ATXN7L1: variants seen among roughly 807,000 people sequenced by gnomAD.
ATXN7L1 encodes ataxin 7 like 1.
A neutral mutation model predicts 70.8 loss-of-function variants in ATXN7L1; 15 were observed. That is an observed-to-expected ratio of 0.21 (90% confidence interval 0.14 to 0.33). The LOEUF is 0.33. Among genes scored for constraint, ATXN7L1 ranks in the 10% least tolerant of loss-of-function variants. The pLI, the probability that ATXN7L1 is intolerant of heterozygous loss-of-function variation, is 1.00. For synonymous variants in ATXN7L1, 440 were observed against 445.1 expected (o/e 0.99, Z 0.14); for missense variants, 975 against 1,097.1 (o/e 0.89, Z 1.57).
Position 105,657,769 on chromosome 7 carries a change from C to T in ATXN7L1, c.578+7297G>A, listed in dbSNP as rs148260650. Reference sequence around the variant, plus strand: ...AGTGGCTACTGTGGCTGTGGCTGAACGGGATTTTAAATTTCATTTAAGCTG... The same window carrying T: ...AGTGGCTACTGTGGCTGTGGCTGAATGGGATTTTAAATTTCATTTAAGCTG... On this transcript the variant is annotated intron_variant, in intron 4 of 11. Transcript: ENST00000419735. 1.4e-3 allele frequency among the ~76,000 whole-genome samples: 177 copies of T among 129,038 alleles called. 2 individuals carry two copies. The highest frequency in any genetic ancestry group is 6.1e-3 in the Middle Eastern group (1 of 164). 84.7% of individuals were successfully genotyped at this position (129,038 alleles called of 152,430 possible). A position where few individuals can be genotyped will look rare whatever the true frequency, so the allele number is the denominator to read the frequency against.
At chr7:105,622,478 T>C (rs1434850570) in intron 8 of ATXN7L1, among the ~76,000 whole-genome samples, 1 of 152,240 alleles carries the variant, frequency 6.6e-6, no homozygotes, top group East Asian at 1.9e-4. Context: ...AGATCCTCAC[T>C]GCGTGGGCCA....
At chr7:105,746,529 C>T (rs1383827925) in intron 3 of ATXN7L1, among the ~76,000 whole-genome samples, 4 of 152,220 alleles carry the variant, frequency 2.6e-5, no homozygotes, top group African/African-American at 7.2e-5. Flanking sequence ...CAAGTATCTA[C>T]AAGACCCTCT....
At chr7:105,734,674 C>G (rs976443811) in intron 3 of ATXN7L1, among the ~76,000 whole-genome samples, 2 of 149,008 alleles carry the variant, frequency 1.3e-5, no homozygotes, top group African/African-American at 5.0e-5. Context: ...TTTGGAGTTT[C>G]TTACGTGATG....
intron 3 of ATXN7L1, among the ~76,000 whole-genome samples, chr7:105,667,187 G>T (rs1419341072): frequency 6.6e-6 from 1 of 152,134 alleles, no homozygotes; most frequent in Admixed American, 6.5e-5. Context: ...GAAGCAGCCA[G>T]GGGTCTCCAC....
intron 3 of ATXN7L1, among the ~76,000 whole-genome samples, chr7:105,671,908 A>T (rs1803787508): frequency 6.6e-6 from 1 of 151,082 alleles, no homozygotes; most frequent in South Asian, 2.1e-4. Context: ...AAAAAAAAAA[A>T]AAAAAAAGAA....
chr7:105,641,688 C>G (rs1237338929), intron 5 of ATXN7L1, among the ~76,000 whole-genome samples: 1 of 152,244 alleles, frequency 6.6e-6, no homozygotes, highest in Non-Finnish European at 1.5e-5. Flanking sequence ...CAGGAAGAGC[C>G]AGGTGCTGGG....
intron 3 of ATXN7L1, among the ~76,000 whole-genome samples, chr7:105,722,493 G>A (rs1046381104): frequency 3.4e-5 from 5 of 148,734 alleles, no homozygotes; most frequent in South Asian, 2.1e-4. Context: ...ATTGGGAGGC[G>A]GAGGTTGCAG....
chr7:105,819,827 A>T (rs769058856), intron 2 of ATXN7L1: 3 of 630,640 alleles, frequency 4.8e-6, no homozygotes, highest in African/African-American at 1.8e-5. Context: ...CCGCCCTATG[A>T]CATGAAAAAG....
At chr7:105,767,652 C>T (rs74518942) in intron 3 of ATXN7L1, among the ~76,000 whole-genome samples, 2 of 152,188 alleles carry the variant, frequency 1.3e-5, no homozygotes, top group African/African-American at 4.8e-5. Flanking sequence ...TTATTACCCC[C>T]ATTTTGAGCT....
intron 3 of ATXN7L1, among the ~76,000 whole-genome samples, chr7:105,686,525 C>G (rs1021973925): frequency 2.0e-5 from 3 of 151,732 alleles, no homozygotes; most frequent in African/African-American, 7.3e-5. Context: ...TCAAAACAAA[C>G]AAACAAACAA....
chr7:105,756,169 G>A (rs537624062), intron 3 of ATXN7L1, among the ~76,000 whole-genome samples: 1 of 152,188 alleles, frequency 6.6e-6, no homozygotes, highest in African/African-American at 2.4e-5. Context: ...TGTCCAATCT[G>A]CAGTTTCTCA....
At chr7:105,689,941 C>A (rs1377828774) in intron 3 of ATXN7L1, among the ~76,000 whole-genome samples, 6 of 152,206 alleles carry the variant, frequency 3.9e-5, no homozygotes, top group Admixed American at 3.9e-4. Flanking sequence ...AGACTCTAAA[C>A]GTCAAAGGCC....
chr7:105,874,921 TTC>T (rs1409546586), intron 2 of ATXN7L1, among the ~76,000 whole-genome samples: 5 of 152,220 alleles, frequency 3.3e-5, no homozygotes, highest in Non-Finnish European at 7.3e-5. Context: ...CACCAACCTC[TTC>T]TGTCCCCTTG....
At chr7:105,665,331 C>T (rs1476245678) in intron 3 of ATXN7L1, 43 bp from the exon 4 acceptor site, 2 of 1,473,612 alleles carry the variant, frequency 1.4e-6, no homozygotes, top group Non-Finnish European at 9.3e-7. Flanking sequence ...GCATCTGTAG[C>T]AGGTGAGGCT....
chr7:105,676,614 T>C (rs575355855), intron 3 of ATXN7L1, among the ~76,000 whole-genome samples: 7 of 152,050 alleles, frequency 4.6e-5, no homozygotes, highest in African/African-American at 1.4e-4. Context: ...CCGAGGTGGG[T>C]GGACCACTTG....
At chr7:105,736,470 G>A (rs56065752) in intron 3 of ATXN7L1, among the ~76,000 whole-genome samples, 2,768 of 152,266 alleles carry the variant, frequency 0.018, 38 homozygotes, top group Non-Finnish European at 0.026. Flanking sequence ...TTTGTTCCTG[G>A]CTAGGTCTCT....
chr7:105,830,974 T>C (rs1811520349), intron 2 of ATXN7L1, among the ~76,000 whole-genome samples: 1 of 152,236 alleles, frequency 6.6e-6, no homozygotes, highest in East Asian at 1.9e-4. Flanking sequence ...TGGGATACCT[T>C]GGAAGTATCT....
chr7:105,823,529 A>G (rs2158897), intron 2 of ATXN7L1, among the ~76,000 whole-genome samples: 8,811 of 152,274 alleles, frequency 0.058, 406 homozygotes, highest in East Asian at 0.22. Flanking sequence ...TTAAGAAGGA[A>G]GGAATTATTG....
chr7:105,696,996 A>AAAGGGGAGGGACTGTGCGAAT (rs1791798162), intron 3 of ATXN7L1, among the ~76,000 whole-genome samples: 2 of 152,196 alleles, frequency 1.3e-5, no homozygotes, highest in African/African-American at 4.8e-5. Flanking sequence ...GGGATTTTCA[A>AAAGGGGAGGGACTGTGCGAAT]AAGGGGAGGG....
Sources: gnomAD v4.1 joint callset for allele counts (sites outside exome capture counted in the v4.1 genomes callset) on GRCh38, gnomAD v4.1.1 for gene constraint, MANE v1.5 for transcripts, NCBI Gene and HGNC (gene_info 2026-07-23, HGNC 2026-07-21) for gene names.